MYO5B: variants seen among roughly 807,000 people sequenced by gnomAD.
MYO5B encodes myosin VB.
A neutral mutation model predicts 229.3 loss-of-function variants in MYO5B; 143 were observed. That is an observed-to-expected ratio of 0.62 (90% CI 0.54 to 0.72). The LOEUF is 0.72. MYO5B is among the 30% of genes least tolerant of loss of function. The pLI is 0.00. For synonymous variants in MYO5B, 918 were observed against 885.2 expected, an observed-to-expected ratio of 1.04 and a Z score of -0.66; for missense variants, 2,321 against 2,331.0, an observed-to-expected ratio of 1.00 and a Z score of 0.09.
Position 50,069,330 on chromosome 18 carries a change from G to A in MYO5B, c.28-13952C>T, listed in dbSNP as rs564113276. On this transcript the variant is annotated intron_variant, in intron 1 of 39. Transcript: ENST00000285039. ...TCTGGAGTCTGTTTTCACTGCTGAC[G>A]TAAGGATGAAGAACAGCATCATGTC... 5.7e-4 allele frequency among the ~76,000 whole-genome samples: 86 copies of A among 152,206 alleles called. 1 individual carries two copies. The highest frequency in any genetic ancestry group is 1.9e-3 in the African/African-American group (77 of 41,520).
chr18:49,917,027 T>C (rs1385243184), intron 17 of MYO5B, among the ~76,000 whole-genome samples: 1 of 152,208 alleles, frequency 6.6e-6, no homozygotes, highest in South Asian at 2.1e-4. Context: ...AGCCCACTCA[T>C]GAAGACCACA....
Position 49,894,968 on chromosome 18 carries a change from G to A in MYO5B, c.3018C>T (p.His1006=). The A allele has an allele frequency of 6.2e-7, 1 of 1,613,454 alleles. No individual in the cohort carries two copies. Among genetic ancestry groups the A allele is most frequent in the Non-Finnish European group, 8.5e-7 (1 of 1,180,032 alleles). The change falls in exon 22 of 40, where the codon CAC becomes CAT. Residue 1006 remains histidine (H), a synonymous_variant. Coordinates refer to ENST00000285039, the MANE Select transcript of MYO5B (RefSeq NM_001080467.3). ...HSERKILEDA[H]SREKDELRKR... The stretch of plus-strand genomic sequence containing the variant: ...TCCTCAGCTCATCTTTCTCCCTGCT[G>A]TGGGCGTCCTCCAAGATCTTGCGCT...
rs138582195 is a variant in MYO5B at position 49,974,619 on chromosome 18, T to C, written c.1057-4A>G. The C allele has an allele frequency of 3.1e-3, 4,988 of 1,612,740 alleles. 15 individuals are homozygous for C. The highest frequency in any genetic ancestry group is 3.7e-3 in the Non-Finnish European group (4,411 of 1,179,220). The stretch of plus-strand genomic sequence containing the variant: ...TGCTTAGGTATACATCCTGGGGCTG[T>C]GGGAGATGGGGGAGATAGGTTCAGG... On this transcript the variant is annotated splice_polypyrimidine_tract_variant and splice_region_variant and intron_variant, in intron 9 of 39. Transcript: ENST00000285039.
At chr18:50,075,257 T>C (rs1020830205) in intron 1 of MYO5B, among the ~76,000 whole-genome samples, 2 of 151,916 alleles carry the variant, frequency 1.3e-5, no homozygotes, top group African/African-American at 4.8e-5. Flanking sequence ...ATTCCATGGG[T>C]ATGGAAGACT....
In MYO5B at chr18:50,075,250, C is replaced by G. The variant is rs188902043; in HGVS notation, c.28-19872G>C. Among the ~76,000 whole-genome samples the G allele has an allele frequency of 3.2e-3, 482 of 152,114 alleles. 7 individuals carry two copies. Among genetic ancestry groups the G allele is most frequent in the Non-Finnish European group, 1.6e-3 (109 of 68,002 alleles). ...GGGGAGAGAGGGGTCTCTTGGGATTCCATGGGTATGGAAGACTGGAGAGAC... is the reference window on the plus strand; with the variant it reads ...GGGGAGAGAGGGGTCTCTTGGGATTGCATGGGTATGGAAGACTGGAGAGAC... On this transcript the variant is annotated intron_variant, in intron 1 of 39. Coordinates refer to ENST00000285039, the MANE Select transcript of MYO5B (RefSeq NM_001080467.3).
At chr18:50,018,415 T>G (rs2026239772) in intron 4 of MYO5B, among the ~76,000 whole-genome samples, 1 of 152,182 alleles carries the variant, frequency 6.6e-6, no homozygotes. Flanking sequence ...TCTTCAATTG[T>G]TCATTCCTTA....
intron 17 of MYO5B, among the ~76,000 whole-genome samples, chr18:49,916,573 G>T (rs893274994): frequency 6.6e-6 from 1 of 152,180 alleles, no homozygotes; most frequent in African/African-American, 2.4e-5. Context: ...TCACAAAGGT[G>T]TCCTTCACAC....
At chr18:49,909,306 TC>T (rs1248551567) in intron 18 of MYO5B, among the ~76,000 whole-genome samples, 1 of 152,182 alleles carries the variant, frequency 6.6e-6, no homozygotes, top group African/African-American at 2.4e-5. Context: ...CTATTCAGTC[TC>T]CAGGAAGGAT....
In MYO5B at chr18:50,136,271, C is replaced by A. The variant is rs137885194; in HGVS notation, c.27+58496G>T. Among the ~76,000 whole-genome samples, 798 of 151,976 alleles carry A rather than the reference C, an allele frequency of 5.3e-3. 10 individuals carry two copies. Among genetic ancestry groups the A allele is most frequent in the African/African-American group, 0.016 (675 of 41,472 alleles). On this transcript the variant is annotated intron_variant, in intron 1 of 39. Transcript: ENST00000285039. ...GGAACGCTTTCAACTGGAGTGGCCA[C>A]GTTAGGGTCTAAGATACACCCATAA...
Position 49,826,176 on chromosome 18 carries a change from G to T in MYO5B, c.*295C>A. On this transcript the variant is annotated 3_prime_UTR_variant, in exon 40 of 40. Coordinates refer to ENST00000285039, the MANE Select transcript of MYO5B (RefSeq NM_001080467.3). ...CTAGGCAGCTTCGTTTTATAGAATT[G>T]ACACCTTTTATATGTCTATGGGGAC... 2.6e-6 allele frequency: 1 copy of T among 387,966 alleles called. No homozygotes were observed. Among genetic ancestry groups the T allele is most frequent in the Non-Finnish European group, 4.8e-6 (1 of 206,948 alleles). 24.0% of individuals were successfully genotyped at this position (387,966 alleles called of 1,614,324 possible). A position where few individuals can be genotyped will look rare whatever the true frequency, so the allele number is the denominator to read the frequency against.
chr18:50,170,523 C>G lies in MYO5B; in HGVS notation c.27+24244G>C, dbSNP rs2032908297. On this transcript the variant is annotated intron_variant, in intron 1 of 39. Transcript: ENST00000285039. ...AATCACATTTTTATTACCATGATACCTCATGTTGGGCCAATATGCTTTCCT... is the reference window on the plus strand; with the variant it reads ...AATCACATTTTTATTACCATGATACGTCATGTTGGGCCAATATGCTTTCCT... 1.6e-5 allele frequency among the ~76,000 whole-genome samples: 2 copies of G among 126,328 alleles called. 1 individual carries two copies. Among genetic ancestry groups the G allele is most frequent in the Admixed American group, 1.7e-4 (2 of 11,702 alleles). 82.9% of individuals were successfully genotyped at this position (126,328 alleles called of 152,430 possible).
chr18:50,009,573 G>A (rs1013054168), intron 4 of MYO5B, among the ~76,000 whole-genome samples: 1 of 152,184 alleles, frequency 6.6e-6, no homozygotes, highest in African/African-American at 2.4e-5. Context: ...GAAAGGTTAT[G>A]TGGGGAGAGA....
rs1159400084 is a variant in MYO5B at position 50,001,356 on chromosome 18, C to G, written c.511G>C (p.Val171Leu). 21 of 1,614,192 alleles carry G rather than the reference C, an allele frequency of 1.3e-5. No individual in the cohort carries two copies. The highest frequency in any genetic ancestry group is 1.8e-5 in the Non-Finnish European group (21 of 1,180,022). Residue 171 changes from valine (V) to leucine (L), a missense_variant, in exon 5 of 40, where the codon GTA (valine) becomes CTA (leucine). Around this residue, in one of 2 missense-constraint regions of MYO5B, gnomAD observed 2,113 missense variants for 2,044.7 expected, o/e 1.03. Coordinates refer to ENST00000285039, the MANE Select transcript of MYO5B (RefSeq NM_001080467.3). ...TAGCGCATGGCATACTTGGCTGATA[C>G]CGTCTTCCCGGCTCCAGACTCCCCA... Reference protein sequence around the residue: ...VSGESGAGKTVSAKYAMRYFA... With the variant: ...VSGESGAGKTLSAKYAMRYFA...
chr18:49,923,624 G>C (rs1242834358), intron 17 of MYO5B, among the ~76,000 whole-genome samples: 1 of 152,170 alleles, frequency 6.6e-6, no homozygotes, highest in Non-Finnish European at 1.5e-5. Flanking sequence ...GCAGAGATGT[G>C]TATAGACCTC....
intron 27 of MYO5B, among the ~76,000 whole-genome samples, 183 bp downstream of exon 27, chr18:49,871,984 T>C (rs2024460698): frequency 6.6e-6 from 1 of 152,216 alleles, no homozygotes; most frequent in Non-Finnish European, 1.5e-5. Flanking sequence ...ATTCCTGTAG[T>C]AGATACAAAT....
chr18:49,925,076 G>A (rs2025114012), intron 17 of MYO5B, among the ~76,000 whole-genome samples: 2 of 152,146 alleles, frequency 1.3e-5, no homozygotes, highest in African/African-American at 2.4e-5. Flanking sequence ...CTGGGAATGG[G>A]GAGCTGCACA....
At chr18:50,181,215 T>C (rs941421031) in intron 1 of MYO5B, among the ~76,000 whole-genome samples, 1 of 152,258 alleles carries the variant, frequency 6.6e-6, no homozygotes, top group East Asian at 1.9e-4. Context: ...AACATACATA[T>C]AATTTAAGTG....
chr18:49,995,274 A>T (rs199939898), intron 5 of MYO5B, among the ~76,000 whole-genome samples: 1 of 85,812 alleles, frequency 1.2e-5, no homozygotes, highest in Non-Finnish European at 2.3e-5. Flanking sequence ...TTTTTTTTTG[A>T]GATGGAGTCT....
At chr18:49,846,392 C>T (rs926690434) in intron 33 of MYO5B, among the ~76,000 whole-genome samples, 1 of 152,130 alleles carries the variant, frequency 6.6e-6, no homozygotes, top group African/African-American at 2.4e-5. Context: ...CATGTATGAG[C>T]AACGAAATAC....
Sources: allele counts gnomAD v4.1 joint callset (sites outside exome capture counted in the v4.1 genomes callset), GRCh38; gene constraint gnomAD v4.1.1; regional missense constraint gnomAD v4.1.1; transcripts MANE v1.5; gene names NCBI Gene and HGNC (gene_info 2026-07-23, HGNC 2026-07-21).